ASTN2: variants seen among roughly 807,000 people sequenced by gnomAD.
ASTN2 encodes the protein astrotactin 2.
In ASTN2, 54 loss-of-function variants were observed where a neutral mutation model predicts 139.8. The ratio of observed to expected loss-of-function variants is 0.39; its 90% CI spans 0.31 to 0.48. The LOEUF is 0.48. ASTN2 is among the 20% of genes least tolerant of loss of function. The probability of loss-of-function intolerance (pLI) is 0.95; values close to 1 mark genes in which losing one functional copy is unlikely to be tolerated. For synonymous variants in ASTN2, 756 were observed against 719.5 expected (o/e 1.05, Z -0.81); for missense variants, 1,565 against 1,725.1 (o/e 0.91, Z 1.64).
At chr9:116,530,872 C>G (rs1386415501) in intron 19 of ASTN2, among the ~76,000 whole-genome samples, 3 of 152,090 alleles carry the variant, frequency 2.0e-5, no homozygotes. Flanking sequence ...GATAATCCCC[C>G]AATAGCGGGG....
intron 1 of ASTN2, among the ~76,000 whole-genome samples, chr9:117,374,962 GT>G (rs1435307281): frequency 6.6e-6 from 1 of 152,252 alleles, no homozygotes; most frequent in Non-Finnish European, 1.5e-5. Flanking sequence ...TCTTTTTCCA[GT>G]TGACTCAGCT....
intron 1 of ASTN2, among the ~76,000 whole-genome samples, chr9:117,399,073 C>T (rs909373698): frequency 2.6e-5 from 4 of 152,140 alleles, no homozygotes; most frequent in South Asian, 2.1e-4. Flanking sequence ...CGTGAGCCAC[C>T]GCGCCTGACC....
chr9:117,359,581 T>C (rs1478203576), intron 1 of ASTN2, among the ~76,000 whole-genome samples: 6 of 152,198 alleles, frequency 3.9e-5, no homozygotes, highest in Non-Finnish European at 8.8e-5. Flanking sequence ...AATTGTCCTT[T>C]GTGCCTTAAC....
chr9:117,025,414 C>T (rs1838038740), intron 6 of ASTN2, among the ~76,000 whole-genome samples: 1 of 152,118 alleles, frequency 6.6e-6, no homozygotes, highest in African/African-American at 2.4e-5. Context: ...TCAAGTGTGA[C>T]ACCAGCTCCC....
chr9:117,246,022 A>T (rs188629203), intron 2 of ASTN2, among the ~76,000 whole-genome samples: 1 of 152,164 alleles, frequency 6.6e-6, no homozygotes, highest in Non-Finnish European at 1.5e-5. Context: ...CTTGCTTACA[A>T]CTATGTCCCT....
chr9:117,317,089 T>A (rs1349559997), intron 1 of ASTN2, among the ~76,000 whole-genome samples: 1 of 152,148 alleles, frequency 6.6e-6, no homozygotes, highest in East Asian at 1.9e-4. Flanking sequence ...CCCTATCTGC[T>A]GCCACTCTCC....
intron 10 of ASTN2, among the ~76,000 whole-genome samples, chr9:116,931,353 G>A (rs1227310715): frequency 6.6e-6 from 1 of 152,156 alleles, no homozygotes; most frequent in Non-Finnish European, 1.5e-5. Flanking sequence ...GAACATCCCT[G>A]TCACAGGTGC....
At chr9:116,808,356 T>A (rs1831084368) in intron 12 of ASTN2, among the ~76,000 whole-genome samples, 1 of 151,760 alleles carries the variant, frequency 6.6e-6, no homozygotes. Flanking sequence ...TCGACTAAAT[T>A]GGGGGGATTT....
intron 4 of ASTN2, among the ~76,000 whole-genome samples, chr9:117,137,518 G>C (rs777818144): frequency 3.3e-5 from 5 of 152,166 alleles, no homozygotes; most frequent in Non-Finnish European, 7.4e-5. Context: ...TCCTATAGAT[G>C]CTTCTGTTCA....
At chr9:117,108,146 A>G (rs1829153431) in intron 4 of ASTN2, among the ~76,000 whole-genome samples, 1 of 152,138 alleles carries the variant, frequency 6.6e-6, no homozygotes, top group South Asian at 2.1e-4. Flanking sequence ...ATCTTCAGGG[A>G]TTGTCTTGAG....
rs1835471236 is a variant in ASTN2, at chr9:116,948,785, G to GTTTTTTTTTTTGTTTTT, written c.1889+26422_1889+26423insAAAAACAAAAAAAAAAA. 4.4e-4 allele frequency among the ~76,000 whole-genome samples: 22 copies of GTTTTTTTTTTTGTTTTT among 49,476 alleles called. 1 individual carries two copies. The highest frequency in any genetic ancestry group is 4.1e-3 in the South Asian group (3 of 734). The allele number at this position is 49,476 out of a possible 152,430, so 32.5% of individuals were successfully genotyped here. On this transcript the variant is annotated intron_variant, in intron 10 of 22. Transcript: ENST00000313400. ...AGAGAGAGGAGAGAAATAATTTGGTGTTTTTTTTTTTTTTTTTTTTTTTTT... is the reference window on the plus strand; with the variant it reads ...AGAGAGAGGAGAGAAATAATTTGGTGTTTTTTTTTTTGTTTTTTTTTTTTTTTTTTTTTTTTTTTTTT...
At chr9:116,525,783 C>A (rs1248841580) in intron 19 of ASTN2, among the ~76,000 whole-genome samples, 1 of 152,114 alleles carries the variant, frequency 6.6e-6, no homozygotes, top group Non-Finnish European at 1.5e-5. Flanking sequence ...GTTGAAAGGT[C>A]GTTAATAATT....
intron 11 of ASTN2, among the ~76,000 whole-genome samples, chr9:116,844,854 T>C (rs939502399): frequency 6.6e-6 from 1 of 152,172 alleles, no homozygotes; most frequent in African/African-American, 2.4e-5. Flanking sequence ...ACACACTTAC[T>C]GAAGACACCA....
chr9:116,949,564 C>T (rs1277754055), intron 10 of ASTN2, among the ~76,000 whole-genome samples: 3 of 152,154 alleles, frequency 2.0e-5, no homozygotes, highest in African/African-American at 4.8e-5. Flanking sequence ...CCTGGTTCTG[C>T]CTGATTGAAT....
At chr9:116,494,046 T>C (rs1849600405) in intron 19 of ASTN2, among the ~76,000 whole-genome samples, 1 of 152,172 alleles carries the variant, frequency 6.6e-6, no homozygotes, top group African/African-American at 2.4e-5. Flanking sequence ...AATGCATCTT[T>C]AAGGGCCTCA....
chr9:116,445,249 A>C (rs998099819), intron 20 of ASTN2, among the ~76,000 whole-genome samples: 4 of 152,238 alleles, frequency 2.6e-5, no homozygotes, highest in Non-Finnish European at 5.9e-5. Context: ...TTTCACAGAC[A>C]GTGCATGGCT....
intron 10 of ASTN2, among the ~76,000 whole-genome samples, chr9:116,874,530 C>T (rs891118387): frequency 6.6e-6 from 1 of 152,154 alleles, no homozygotes; most frequent in African/African-American, 2.4e-5. Context: ...TGTTGTCCAT[C>T]TGTGTGATGG....
At chr9:117,130,485 C>T (rs535104002) in intron 4 of ASTN2, among the ~76,000 whole-genome samples, 1 of 152,262 alleles carries the variant, frequency 6.6e-6, no homozygotes, top group Middle Eastern at 3.4e-3. Context: ...CTGGAGTCAT[C>T]ATGACACCAG....
chr9:116,651,642 G>C lies in ASTN2; in HGVS notation c.2958C>G (p.Thr986=). 1.2e-6 allele frequency: 2 copies of C among 1,614,188 alleles called. No homozygotes were observed. The highest frequency in any genetic ancestry group is 1.7e-6 in the Non-Finnish European group (2 of 1,180,040). ...TGCCTGGCCGGCGGCAAAGGTGACA[G>C]GTAGATGGACAGCGCCCCTTCTCCT... The part of the protein sequence containing the change: ...RCEEKGRCPS[T]CHLCRRPGKE... Residue 986 remains threonine (T), a synonymous_variant, in exon 17 of 23, where the codon ACC becomes ACG. Coordinates refer to ENST00000313400, the MANE Select transcript of ASTN2 (RefSeq NM_001365068.1).
Sources: gnomAD v4.1 joint callset for allele counts (sites outside exome capture counted in the v4.1 genomes callset) on GRCh38, gnomAD v4.1.1 for gene constraint, MANE v1.5 for transcripts, NCBI Gene and HGNC (gene_info 2026-07-23, HGNC 2026-07-21) for gene names.